The following MYRIP variants were observed in gnomAD, a reference collection of about 807,000 sequenced individuals.
The protein encoded by MYRIP is myosin VIIA and Rab interacting protein.
MYRIP carries 49 observed loss-of-function variants against 98.0 expected under a neutral mutation model. The observed-to-expected ratio is 0.50, with a 90% CI of 0.40 to 0.63. The LOEUF is 0.63. Among genes scored for constraint, MYRIP ranks in the 30% least tolerant of loss-of-function variants. The pLI, the probability that MYRIP is intolerant of heterozygous loss-of-function variation, is 0.00. For synonymous variants in MYRIP, 404 were observed against 409.5 expected, an observed-to-expected ratio of 0.99 and a Z score of 0.16; for missense variants, 1,004 against 1,058.2, an observed-to-expected ratio of 0.95 and a Z score of 0.71.
chr3:39,970,518 G>A (rs558399204), intron 2 of MYRIP, among the ~76,000 whole-genome samples: 6 of 152,046 alleles, frequency 3.9e-5, no homozygotes, highest in Admixed American at 6.6e-5. Flanking sequence ...ATCTCCTTTC[G>A]ATGCTCTTAG....
intron 10 of MYRIP, among the ~76,000 whole-genome samples, chr3:40,193,922 G>A (rs1454748231): frequency 6.6e-6 from 1 of 151,942 alleles, no homozygotes; most frequent in Non-Finnish European, 1.5e-5. Context: ...TGGACTATTT[G>A]TCTTTTTCTT....
chr3:40,136,327 G>C (rs1949769507), intron 3 of MYRIP, among the ~76,000 whole-genome samples: 1 of 152,180 alleles, frequency 6.6e-6, no homozygotes, highest in Admixed American at 6.5e-5. Flanking sequence ...TCAACAAGAA[G>C]AACTAACTAT....
chr3:40,164,555 C>T (rs561023442), intron 5 of MYRIP, among the ~76,000 whole-genome samples: 45 of 152,300 alleles, frequency 3.0e-4, no homozygotes, highest in Non-Finnish European at 5.7e-4. Flanking sequence ...AGATGTTAAC[C>T]ACATCTAAAG....
At chr3:40,256,383 T>TA (rs1436081974) in intron 16 of MYRIP, among the ~76,000 whole-genome samples, 2 of 152,236 alleles carry the variant, frequency 1.3e-5, no homozygotes, top group East Asian at 1.9e-4. Context: ...AGGATACATA[T>TA]AAAACTACAC....
intron 2 of MYRIP, among the ~76,000 whole-genome samples, chr3:40,040,689 T>A (rs1947491813): frequency 1.6e-5 from 1 of 62,264 alleles, no homozygotes. Flanking sequence ...GGGACATGGA[T>A]GAAATTGGAA....
chr3:40,189,786 AACAGCCCC>A (rs946433948), intron 9 of MYRIP, 32 bp from the exon 10 acceptor site: 1 of 1,545,750 alleles, frequency 6.5e-7, no homozygotes, highest in Admixed American at 1.9e-5. Context: ...TTAAAGTGAT[AACAGCCCC>A]TCTCTGCTTT....
chr3:40,242,146 A>C (rs1204761049), intron 12 of MYRIP: 2 of 152,116 alleles, frequency 1.3e-5, no homozygotes, highest in African/African-American at 4.8e-5. Context: ...TAGAGCAAAA[A>C]AATTCTCATC....
At chr3:40,034,697 A>C (rs1253131891) in intron 2 of MYRIP, among the ~76,000 whole-genome samples, 1 of 151,106 alleles carries the variant, frequency 6.6e-6, no homozygotes, top group African/African-American at 2.5e-5. Flanking sequence ...TAGAAATACC[A>C]TTTGACCCAG....
intron 1 of MYRIP, among the ~76,000 whole-genome samples, chr3:39,863,838 A>G (rs902698158): frequency 7.9e-5 from 12 of 151,784 alleles, no homozygotes; most frequent in African/African-American, 2.9e-4. Context: ...GCAGGGACAC[A>G]ACAACAACAA....
intron 1 of MYRIP, among the ~76,000 whole-genome samples, chr3:39,836,457 A>C (rs574837283): frequency 2.0e-5 from 3 of 152,056 alleles, no homozygotes; most frequent in Non-Finnish European, 4.4e-5. Flanking sequence ...ATTTCTTGTA[A>C]ATTTGTTTAA....
chr3:40,215,355 T>A (rs984420366), intron 11 of MYRIP, among the ~76,000 whole-genome samples: 1 of 152,048 alleles, frequency 6.6e-6, no homozygotes, highest in Non-Finnish European at 1.5e-5. Flanking sequence ...TTTGAAAAAA[T>A]TGAATTTTAT....
chr3:40,016,764 C>T (rs1043471891), intron 2 of MYRIP, among the ~76,000 whole-genome samples: 5 of 152,218 alleles, frequency 3.3e-5, no homozygotes, highest in African/African-American at 1.2e-4. Flanking sequence ...TCTCCCAACC[C>T]CTCAGTGTCT....
intron 3 of MYRIP, among the ~76,000 whole-genome samples, chr3:40,059,998 G>A (rs931488276): frequency 2.0e-5 from 3 of 152,148 alleles, no homozygotes; most frequent in Non-Finnish European, 4.4e-5. Context: ...ACTAGGGAGT[G>A]GAATGGGATA....
chr3:40,166,539 G>GA (rs1559430245), intron 5 of MYRIP, among the ~76,000 whole-genome samples: 1 of 152,142 alleles, frequency 6.6e-6, no homozygotes, highest in Non-Finnish European at 1.5e-5. Context: ...GTTAGAGGAG[G>GA]AATTTTTGGG....
chr3:40,113,359 G>A (rs920957579), intron 3 of MYRIP, among the ~76,000 whole-genome samples: 1 of 152,138 alleles, frequency 6.6e-6, no homozygotes, highest in East Asian at 1.9e-4. Flanking sequence ...TGGCCAGGCT[G>A]GTCTCGAACT....
At chr3:40,133,084 A>G (rs1949680597) in intron 3 of MYRIP, among the ~76,000 whole-genome samples, 1 of 152,264 alleles carries the variant, frequency 6.6e-6, no homozygotes, top group Non-Finnish European at 1.5e-5. Flanking sequence ...AGGAGAACAC[A>G]GAAGGCCACA....
chr3:39,903,172 G>A (rs556413372), intron 2 of MYRIP, among the ~76,000 whole-genome samples: 6 of 152,074 alleles, frequency 3.9e-5, no homozygotes, highest in African/African-American at 1.2e-4. Context: ...TATTACTGTC[G>A]AATAAAAAGA....
intron 2 of MYRIP, among the ~76,000 whole-genome samples, chr3:39,972,644 C>T (rs1945616411): frequency 6.6e-6 from 1 of 152,110 alleles, no homozygotes; most frequent in Non-Finnish European, 1.5e-5. Flanking sequence ...GACATAGGGA[C>T]ATGTTCTGAT....
chr3:40,160,481 A>G (rs1314853265), intron 4 of MYRIP, among the ~76,000 whole-genome samples: 1 of 152,200 alleles, frequency 6.6e-6, no homozygotes, highest in East Asian at 1.9e-4. Flanking sequence ...GGTGGAGCCT[A>G]CAGAGGCAGG....
Sources: allele counts gnomAD v4.1 joint callset (sites outside exome capture counted in the v4.1 genomes callset), GRCh38; gene constraint gnomAD v4.1.1; transcripts MANE v1.5; gene names NCBI Gene and HGNC (gene_info 2026-07-23, HGNC 2026-07-21).